Variants in VTI1A observed in about 807,000 individuals in gnomAD.
VTI1A encodes vesicle transport through interaction with t-SNAREs homolog 1A.
VTI1A carries 22 observed loss-of-function variants against 34.9 expected under a neutral mutation model. The observed-to-expected ratio is 0.63, with a 90% CI of 0.45 to 0.90. VTI1A has a LOEUF of 0.90. Among genes scored for constraint, VTI1A ranks in the 40% least tolerant of loss-of-function variants. VTI1A has a pLI of 0.00. For synonymous variants in VTI1A, 87 were observed against 97.3 expected (o/e 0.89, Z 0.62); for missense variants, 268 against 275.6 (o/e 0.97, Z 0.20).
At chr10:112,844,678 C>T in the VTI1A span, among the ~76,000 whole-genome samples, 3 of 152,168 alleles carry the variant, frequency 2.0e-5, no homozygotes, top group Non-Finnish European at 2.9e-5. Flanking sequence ...GGATTACAGG[C>T]GTGAGCCACC....
the VTI1A span, among the ~76,000 whole-genome samples, chr10:112,829,527 G>T: frequency 6.6e-6 from 1 of 152,236 alleles, no homozygotes; most frequent in South Asian, 2.1e-4. Flanking sequence ...AAGGCAGGTG[G>T]ATTGCTTGAA....
At chr10:112,587,954 A>G (rs1036134697) in intron 5 of VTI1A, among the ~76,000 whole-genome samples, 1 of 150,900 alleles carries the variant, frequency 6.6e-6, no homozygotes, top group African/African-American at 2.4e-5. Flanking sequence ...TGTTGGTTTT[A>G]GTAAATTAAG....
At chr10:112,814,668 A>G (rs1853446071) in intron 7 of VTI1A, among the ~76,000 whole-genome samples, 1 of 152,014 alleles carries the variant, frequency 6.6e-6, no homozygotes, top group African/African-American at 2.4e-5. Flanking sequence ...TACATTGTAT[A>G]TTTCTCATTT....
intron 7 of VTI1A, among the ~76,000 whole-genome samples, chr10:112,763,314 C>T (rs1273176445): frequency 6.6e-6 from 1 of 152,024 alleles, no homozygotes; most frequent in African/African-American, 2.4e-5. Flanking sequence ...GTGGCAGGCG[C>T]CTGTAGTCCC....
At chr10:112,561,204 T>A (rs7095157) in intron 5 of VTI1A, among the ~76,000 whole-genome samples, 1 of 152,210 alleles carries the variant, frequency 6.6e-6, no homozygotes, top group Non-Finnish European at 1.5e-5. Context: ...TGGTAAAGAT[T>A]TTAAGCCAAT....
intron 3 of VTI1A, among the ~76,000 whole-genome samples, chr10:112,521,474 T>C (rs1377554112): frequency 6.6e-6 from 1 of 152,114 alleles, no homozygotes; most frequent in East Asian, 1.9e-4. Context: ...TAGTTGAACA[T>C]GCTCTGGAGG....
At chr10:112,447,551 C>T in intron 1 of VTI1A, 84 bp downstream of exon 1, 3 of 1,474,124 alleles carry the variant, frequency 2.0e-6, no homozygotes, top group Non-Finnish European at 2.8e-6. Context: ...GTAAGTGTGT[C>T]TATGAGGCGC....
At chr10:112,823,608 G>C (rs371673476), downstream of VTI1A, 1 of 152,136 alleles carries the variant, frequency 6.6e-6, no homozygotes, top group Non-Finnish European at 1.5e-5. Context: ...TCCTCCTCCC[G>C]CACCATCCTC....
chr10:112,688,805 C>T (rs1248647617), intron 7 of VTI1A, among the ~76,000 whole-genome samples: 1 of 152,134 alleles, frequency 6.6e-6, no homozygotes, highest in Non-Finnish European at 1.5e-5. Context: ...TCCCAAAGTG[C>T]AGGAATTACA....
intron 5 of VTI1A, among the ~76,000 whole-genome samples, chr10:112,651,638 C>T (rs1847024980): frequency 6.6e-6 from 1 of 152,034 alleles, no homozygotes; most frequent in Non-Finnish European, 1.5e-5. Context: ...GTTGATGATC[C>T]CAGTCTTTTT....
intron 5 of VTI1A, among the ~76,000 whole-genome samples, chr10:112,547,351 CG>C (rs1564822045): frequency 6.6e-6 from 1 of 151,890 alleles, no homozygotes; most frequent in Non-Finnish European, 1.5e-5. Context: ...CCGAGGTGGG[CG>C]GATCACTTGA....
chr10:112,492,057 A>G (rs1848842289), intron 3 of VTI1A, among the ~76,000 whole-genome samples: 1 of 152,174 alleles, frequency 6.6e-6, no homozygotes, highest in Non-Finnish European at 1.5e-5. Context: ...AGGTGATTCC[A>G]ATGTTCGATC....
At chr10:112,462,894 GTTTTTATT>G (rs1218396177) in intron 2 of VTI1A, among the ~76,000 whole-genome samples, 155 of 142,938 alleles carry the variant, frequency 1.1e-3, no homozygotes, top group African/African-American at 3.7e-3. Flanking sequence ...GTTGTTACTG[GTTTTTATT>G]TATTTATTTA....
the VTI1A span, among the ~76,000 whole-genome samples, chr10:112,848,902 G>T: frequency 6.6e-6 from 1 of 152,148 alleles, no homozygotes. Flanking sequence ...AGGGTAGGGG[G>T]TCATCTTTCA....
chr10:112,810,815 G>A (rs541716915), intron 7 of VTI1A, among the ~76,000 whole-genome samples: 92 of 152,308 alleles, frequency 6.0e-4, no homozygotes, highest in Non-Finnish European at 1.1e-3. Context: ...GAGGCCTCAC[G>A]CATGATATCA....
chr10:112,460,553 G>C lies in VTI1A; in HGVS notation c.124G>C (p.Glu42Gln). 1 of 1,609,740 alleles carries C rather than the reference G, an allele frequency of 6.2e-7. No homozygotes were observed. Among genetic ancestry groups the C allele is most frequent in the Non-Finnish European group, 8.5e-7 (1 of 1,178,164 alleles). Residue 42 changes from glutamate (E) to glutamine (Q), a missense_variant, in exon 2 of 8, where the codon GAG becomes CAG. By Grantham distance (29) the Glu-to-Gln change is conservative (BLOSUM62 2). Transcript: ENST00000393077. ...DEKKQMVANV[E>Q]KQLEEAKELL... ...AAAGAAACAGATGGTTGCAAATGTG[G>C]AGAAACAGCTTGAAGAAGCGAAAGA...
intron 7 of VTI1A, among the ~76,000 whole-genome samples, chr10:112,721,311 G>A (rs963460): frequency 0.16 from 24,150 of 152,174 alleles, 3,821 homozygotes; most frequent in African/African-American, 0.39. Context: ...CATTGCCATA[G>A]TTAACAGTTA....
At chr10:112,737,053 A>G (rs1302594740) in intron 7 of VTI1A, 10 of 418,092 alleles carry the variant, frequency 2.4e-5, no homozygotes, top group Non-Finnish European at 4.2e-5. Context: ...ATAGTGGACA[A>G]TTTTTTTTCT....
intron 7 of VTI1A, among the ~76,000 whole-genome samples, chr10:112,692,023 T>C (rs765777): frequency 0.39 from 59,582 of 152,106 alleles, 14,271 homozygotes; most frequent in African/African-American, 0.68. Flanking sequence ...TTAAGAGTAA[T>C]TAATTAATAA....
Sources: allele counts gnomAD v4.1 joint callset (sites outside exome capture counted in the v4.1 genomes callset), GRCh38; gene constraint gnomAD v4.1.1; transcripts MANE v1.5; gene names NCBI Gene and HGNC (gene_info 2026-07-23, HGNC 2026-07-21).